EDARADD: variants seen among roughly 807,000 people sequenced by gnomAD.
EDARADD encodes the protein EDAR associated via death domain.
EDARADD carries 20 observed loss-of-function variants against 25.6 expected under a neutral mutation model. The ratio of observed to expected loss-of-function variants is 0.78; its 90% CI spans 0.55 to 1.14. The LOEUF is 1.14. EDARADD is among the 50% of genes most tolerant of loss of function. The probability of loss-of-function intolerance (pLI) is 0.00; values close to 1 mark genes in which losing one functional copy is unlikely to be tolerated. For synonymous variants in EDARADD, 86 were observed against 94.4 expected (o/e 0.91, Z 0.52); for missense variants, 225 against 270.1 (o/e 0.83, Z 1.17).
intron 3 of EDARADD, among the ~76,000 whole-genome samples, chr1:236,363,030 T>TATATATGTATAA (rs796610771): frequency 6.9e-5 from 7 of 101,952 alleles, no homozygotes; most frequent in Non-Finnish European, 3.8e-5. Flanking sequence ...TATATATATA[T>TATATATGTATAA]ATAAAATTTG....
intron 5 of EDARADD, among the ~76,000 whole-genome samples, chr1:236,470,266 A>G (rs1454859825): frequency 6.6e-6 from 1 of 152,162 alleles, no homozygotes; most frequent in Non-Finnish European, 1.5e-5. Context: ...AAACTTCTAA[A>G]AGGTTAACTG....
intron 5 of EDARADD, among the ~76,000 whole-genome samples, chr1:236,477,040 A>G (rs778254065): frequency 6.7e-6 from 1 of 148,340 alleles, no homozygotes; most frequent in African/African-American, 2.6e-5. Flanking sequence ...AGAAAATTGA[A>G]AAGTGCCCAT....
At chr1:236,481,940 C>T (rs373394413) in intron 5 of EDARADD, among the ~76,000 whole-genome samples, 7 of 151,562 alleles carry the variant, frequency 4.6e-5, no homozygotes, top group African/African-American at 1.5e-4. Context: ...GGTGAAACCC[C>T]GTCTTTACTA....
In EDARADD at chr1:236,482,282, A is replaced by C. The variant is rs1179014904; in HGVS notation, c.281A>C (p.Asn94Thr). ...CTCCCTGCAGAGATCAGCAAGGACA[A>C]CTCCTGCAAAGAAAACTGTACTTGT... The part of the protein sequence containing the change: ...GDPLPEISKD[N>T]SCKENCTCSS... The change falls in exon 6 of 6, where the codon AAC (asparagine) becomes ACC (threonine). Residue 94 changes from asparagine (N) to threonine (T), a missense_variant. Transcript: ENST00000334232. 6.2e-7 allele frequency: 1 copy of C among 1,614,006 alleles called. No homozygotes were observed. Among genetic ancestry groups the C allele is most frequent in the Non-Finnish European group, 8.5e-7 (1 of 1,180,002 alleles).
chr1:236,440,182 A>G (rs746210339), intron 4 of EDARADD, among the ~76,000 whole-genome samples: 7 of 151,856 alleles, frequency 4.6e-5, no homozygotes, highest in African/African-American at 9.7e-5. Context: ...ATGTGGTCCT[A>G]TTTCTGGGTT....
intron 3 of EDARADD, among the ~76,000 whole-genome samples, chr1:236,363,006 A>AAATATATATATATATATATAT (rs1377112051): frequency 9.3e-5 from 4 of 42,948 alleles, no homozygotes; most frequent in Non-Finnish European, 1.1e-4. Flanking sequence ...AAAAAAAAAA[A>AAATATATATATATATATATAT]ATATATATAT....
At chr1:236,379,702 C>G (rs1667275700) in intron 3 of EDARADD, among the ~76,000 whole-genome samples, 1 of 151,872 alleles carries the variant, frequency 6.6e-6, no homozygotes, top group Non-Finnish European at 1.5e-5. Context: ...TCACTTGAAC[C>G]CCGGGGGGTG....
At chr1:236,427,795 CTAAT>C (rs912765808) in intron 4 of EDARADD, among the ~76,000 whole-genome samples, 46 of 152,144 alleles carry the variant, frequency 3.0e-4, no homozygotes, top group African/African-American at 1.1e-3. Flanking sequence ...ACTAGATACT[CTAAT>C]ATAATACTTG....
At chr1:236,478,359 A>ATGTGTGTG (rs35531700) in intron 5 of EDARADD, among the ~76,000 whole-genome samples, 2,488 of 144,794 alleles carry the variant, frequency 0.017, 87 homozygotes, top group East Asian at 0.17. Context: ...CCATATATAT[A>ATGTGTGTG]TGTGTGTGTG....
intron 4 of EDARADD, among the ~76,000 whole-genome samples, chr1:236,452,312 T>C (rs1658734826): frequency 6.6e-6 from 1 of 152,208 alleles, no homozygotes; most frequent in African/African-American, 2.4e-5. Flanking sequence ...GAAATCTCTT[T>C]CTCTTATTGA....
intron 3 of EDARADD, among the ~76,000 whole-genome samples, chr1:236,426,474 A>C (rs1403948875): frequency 6.6e-6 from 1 of 152,224 alleles, no homozygotes; most frequent in Admixed American, 6.5e-5. Context: ...ACTTGAGAGC[A>C]GAGCAAAAAA....
intron 2 of EDARADD, 81 bp downstream of exon 2, chr1:236,409,355 C>T: frequency 8.7e-7 from 1 of 1,149,378 alleles, no homozygotes; most frequent in East Asian, 2.4e-5. Context: ...TTTTATTACT[C>T]AGTATTTACA....
At chr1:236,480,133 A>ATATCTATCTATC (rs1553271651) in intron 5 of EDARADD, among the ~76,000 whole-genome samples, 1 of 142,114 alleles carries the variant, frequency 7.0e-6, no homozygotes, top group African/African-American at 2.7e-5. Context: ...ATATATATAT[A>ATATCTATCTATC]TATCACATTT....
chr1:236,459,503 C>T (rs1005428707), intron 4 of EDARADD, among the ~76,000 whole-genome samples: 1 of 151,912 alleles, frequency 6.6e-6, no homozygotes, highest in Non-Finnish European at 1.5e-5. Flanking sequence ...GGATAGAAAA[C>T]TCATTGTAGA....
intron 4 of EDARADD, among the ~76,000 whole-genome samples, chr1:236,446,976 T>A (rs1319327448): frequency 6.6e-6 from 1 of 152,142 alleles, no homozygotes; most frequent in East Asian, 1.9e-4. Flanking sequence ...AGACAAGACC[T>A]CTGTCATCAG....
intron 4 of EDARADD, among the ~76,000 whole-genome samples, chr1:236,467,005 G>A (rs1457943265): frequency 6.6e-6 from 1 of 152,020 alleles, no homozygotes; most frequent in Admixed American, 6.6e-5. Flanking sequence ...AGGCGGAGAT[G>A]CAGTGAGCCG....
intron 1 of EDARADD, among the ~76,000 whole-genome samples, chr1:236,406,848 G>A (rs1667748869): frequency 6.6e-6 from 1 of 152,134 alleles, no homozygotes; most frequent in African/African-American, 2.4e-5. Flanking sequence ...GCTGGGTCTG[G>A]GTGTCCCCTG....
At chr1:236,421,423 G>T (rs1444103286) in intron 3 of EDARADD, among the ~76,000 whole-genome samples, 3 of 144,668 alleles carry the variant, frequency 2.1e-5, no homozygotes, top group Non-Finnish European at 4.6e-5. Flanking sequence ...TTGGCTAGGG[G>T]ACTTTGGCCA....
At chr1:236,352,297 AAAC>A in intron 3 of EDARADD, among the ~76,000 whole-genome samples, 1 of 152,354 alleles carries the variant, frequency 6.6e-6, no homozygotes, top group East Asian at 1.9e-4. Flanking sequence ...AAGATCAGAT[AAAC>A]AACTTAGGTT....
Sources: allele counts gnomAD v4.1 joint callset (sites outside exome capture counted in the v4.1 genomes callset), GRCh38; gene constraint gnomAD v4.1.1; transcripts MANE v1.5; gene names NCBI Gene and HGNC (gene_info 2026-07-23, HGNC 2026-07-21).